The following NR3C1 variants were observed in gnomAD, a reference collection of about 807,000 sequenced individuals.
The protein encoded by NR3C1 is glucocorticoid receptor.
In NR3C1, 14 loss-of-function variants were observed where a neutral mutation model predicts 74.0. The ratio of observed to expected loss-of-function variants is 0.19; its 90% CI spans 0.12 to 0.30. NR3C1 has a LOEUF of 0.30. Among genes scored for constraint, NR3C1 ranks in the 10% least tolerant of loss-of-function variants. The pLI, the probability that NR3C1 is intolerant of heterozygous loss-of-function variation, is 1.00. For synonymous variants in NR3C1, 308 were observed against 332.5 expected (o/e 0.93, Z 0.80); for missense variants, 695 against 909.8 (o/e 0.76, Z 3.04).
At chr5:143,390,759 G>A (rs995224136) in intron 2 of NR3C1, among the ~76,000 whole-genome samples, 4 of 152,148 alleles carry the variant, frequency 2.6e-5, no homozygotes, top group African/African-American at 9.7e-5. Flanking sequence ...AAATATCTAT[G>A]TGGGCTCTTT....
intron 2 of NR3C1, among the ~76,000 whole-genome samples, chr5:143,397,181 A>T (rs1839383075): frequency 6.6e-6 from 1 of 151,786 alleles, no homozygotes; most frequent in Non-Finnish European, 1.5e-5. Flanking sequence ...ATTTTTTTTT[A>T]AGTATTCTGA....
At chr5:143,330,063 GAATAT>G (rs1249374364) in intron 2 of NR3C1, among the ~76,000 whole-genome samples, 38 of 152,212 alleles carry the variant, frequency 2.5e-4, no homozygotes, top group African/African-American at 9.1e-4. Flanking sequence ...TTTAACAATA[GAATAT>G]AAGTTTTGTT....
At chr5:143,318,736 G>A (rs1477936076) in intron 2 of NR3C1, among the ~76,000 whole-genome samples, 1 of 152,068 alleles carries the variant, frequency 6.6e-6, no homozygotes, top group African/African-American at 2.4e-5. Context: ...AAAAAAAGTA[G>A]GTTAACTCAC....
rs369339590 is a variant in NR3C1, at chr5:143,332,406, G to A, written c.1185-18238C>T. On this transcript the variant is annotated intron_variant, in intron 2 of 8. Coordinates refer to ENST00000394464, the MANE Select transcript of NR3C1 (RefSeq NM_000176.3). Reference sequence around the variant, plus strand: ...AGGATTAAGAGTGTAACTGGGGCCCGTTGGGTGGGGGGGCGGGACAGCATT... The same window carrying A: ...AGGATTAAGAGTGTAACTGGGGCCCATTGGGTGGGGGGGCGGGACAGCATT... Among the ~76,000 whole-genome samples, 15 of 122,208 alleles carry A rather than the reference G, an allele frequency of 1.2e-4. 1 individual carries two copies. In the East Asian group the frequency reaches 3.4e-3, roughly 27 times the overall value. 80.2% of individuals were successfully genotyped at this position (122,208 alleles called of 152,430 possible). A position where few individuals can be genotyped will look rare whatever the true frequency, so the allele number is the denominator to read the frequency against.
intron 4 of NR3C1, among the ~76,000 whole-genome samples, chr5:143,301,514 T>C (rs968266998): frequency 1.4e-5 from 2 of 145,008 alleles, no homozygotes; most frequent in East Asian, 2.1e-4. Context: ...GCCATTTTCA[T>C]ATTATATATA....
intron 2 of NR3C1, among the ~76,000 whole-genome samples, chr5:143,385,046 C>T (rs1477875421): frequency 6.6e-6 from 1 of 152,332 alleles, no homozygotes; most frequent in Non-Finnish European, 1.5e-5. Context: ...TTCTGCACAC[C>T]CATAGGCCCA....
intron 7 of NR3C1, among the ~76,000 whole-genome samples, chr5:143,287,372 A>AACTT: frequency 6.6e-6 from 1 of 152,286 alleles, no homozygotes; most frequent in East Asian, 1.9e-4. Flanking sequence ...GATCCTACAA[A>AACTT]ACTTAAAGGA....
chr5:143,414,846 T>C (rs1343282420), intron 1 of NR3C1, among the ~76,000 whole-genome samples: 1 of 152,230 alleles, frequency 6.6e-6, no homozygotes, highest in African/African-American at 2.4e-5. Context: ...CAAGTTAGTC[T>C]TTCTTATTAG....
At chr5:143,362,533 C>T (rs985511396) in intron 2 of NR3C1, among the ~76,000 whole-genome samples, 1 of 151,570 alleles carries the variant, frequency 6.6e-6, no homozygotes, top group Non-Finnish European at 1.5e-5. Context: ...CCTATTTTTT[C>T]GTATTTTTTA....
chr5:143,352,580 G>A (rs1452589420), intron 2 of NR3C1, among the ~76,000 whole-genome samples: 1 of 151,926 alleles, frequency 6.6e-6, no homozygotes. Context: ...TTTCAGGTTC[G>A]GTTCTAGACC....
At chr5:143,403,777 G>A (rs1416863181), upstream of NR3C1, 1 of 982,956 alleles carries the variant, frequency 1.0e-6, no homozygotes, top group Non-Finnish European at 1.2e-6. Context: ...CGCGGGGAAC[G>A]ATGCAACCTG....
intron 2 of NR3C1, among the ~76,000 whole-genome samples, chr5:143,385,619 C>T (rs973235668): frequency 2.0e-5 from 3 of 152,196 alleles, no homozygotes; most frequent in African/African-American, 7.2e-5. Context: ...ATCTCTAGGG[C>T]AGGGGCAAAA....
chr5:143,372,565 C>A (rs149488641), intron 2 of NR3C1, among the ~76,000 whole-genome samples: 4 of 152,290 alleles, frequency 2.6e-5, no homozygotes, highest in African/African-American at 9.6e-5. Context: ...TAACTGAAAC[C>A]TTGGAAAGCA....
At chr5:143,394,759 T>C (rs1350179896) in intron 2 of NR3C1, among the ~76,000 whole-genome samples, 2 of 152,046 alleles carry the variant, frequency 1.3e-5, no homozygotes, top group Non-Finnish European at 2.9e-5. Flanking sequence ...AATTAAATTG[T>C]AATTCTGATT....
chr5:143,410,239 C>T (rs61757445), intron 1 of NR3C1, among the ~76,000 whole-genome samples: 2 of 152,112 alleles, frequency 1.3e-5, no homozygotes, highest in African/African-American at 4.8e-5. Flanking sequence ...TTTCAATCTG[C>T]CCCGCTGCTA....
intron 7 of NR3C1, among the ~76,000 whole-genome samples, chr5:143,283,604 A>C (rs924005638): frequency 4.6e-5 from 7 of 152,222 alleles, no homozygotes; most frequent in African/African-American, 1.7e-4. Context: ...ACTTTTTTTA[A>C]TGTAGCTAAT....
intron 2 of NR3C1, among the ~76,000 whole-genome samples, chr5:143,338,207 A>G (rs911897855): frequency 1.3e-5 from 2 of 152,204 alleles, no homozygotes; most frequent in African/African-American, 4.8e-5. Flanking sequence ...CTACCGTGCT[A>G]CCAGTTATAG....
At chr5:143,292,207 T>C (rs1488768393) in intron 7 of NR3C1, among the ~76,000 whole-genome samples, 1 of 152,154 alleles carries the variant, frequency 6.6e-6, no homozygotes, top group Non-Finnish European at 1.5e-5. Context: ...TGTTTTTGGG[T>C]TTCCTAAGAG....
chr5:143,348,515 C>A (rs185300711), intron 2 of NR3C1, among the ~76,000 whole-genome samples: 3 of 152,156 alleles, frequency 2.0e-5, no homozygotes, highest in African/African-American at 4.8e-5. Context: ...CGAAGTGACA[C>A]GCCACCTTCT....
Sources: allele counts gnomAD v4.1 joint callset (sites outside exome capture counted in the v4.1 genomes callset), GRCh38; gene constraint gnomAD v4.1.1; transcripts MANE v1.5; gene names NCBI Gene and HGNC (gene_info 2026-07-23, HGNC 2026-07-21).